Variants in RIMS1 observed in about 807,000 individuals in gnomAD.
RIMS1 encodes regulating synaptic membrane exocytosis protein 1.
Under a neutral mutation model 214.1 loss-of-function variants are expected in RIMS1, and 83 were observed. The ratio of observed to expected loss-of-function variants is 0.39; its 90% CI spans 0.32 to 0.47. RIMS1 has a LOEUF of 0.47. Among genes scored for constraint, RIMS1 ranks in the 20% least tolerant of loss-of-function variants. The probability of loss-of-function intolerance (pLI) is 0.99; values close to 1 mark genes in which losing one functional copy is unlikely to be tolerated. For missense variants in RIMS1, 2,050 were observed against 2,161.8 expected (o/e 0.95, Z 1.03); for synonymous variants, 793 against 786.8 (o/e 1.01, Z -0.13).
At chr6:72,124,855 G>C (rs776704312) in intron 4 of RIMS1, among the ~76,000 whole-genome samples, 1 of 152,110 alleles carries the variant, frequency 6.6e-6, no homozygotes, top group Admixed American at 6.5e-5. Context: ...TCTCTATGCT[G>C]TTTTTTCTAG....
At chr6:72,166,645 G>T (rs1349023575) in intron 4 of RIMS1, among the ~76,000 whole-genome samples, 1 of 151,952 alleles carries the variant, frequency 6.6e-6, no homozygotes, top group African/African-American at 2.4e-5. Flanking sequence ...GGAGTCCAAG[G>T]TGGGAGGATC....
intron 1 of RIMS1, among the ~76,000 whole-genome samples, chr6:71,925,316 G>A (rs954518205): frequency 6.6e-6 from 1 of 152,160 alleles, no homozygotes; most frequent in Admixed American, 6.5e-5. Flanking sequence ...TAAAGGCTAT[G>A]ACAGAGCTCC....
At chr6:72,217,261 A>C (rs1349114390) in intron 6 of RIMS1, 4 of 1,513,496 alleles carry the variant, frequency 2.6e-6, no homozygotes, top group Admixed American at 2.0e-5. Context: ...AAATTATATT[A>C]ATCTATGGAT....
intron 6 of RIMS1, among the ~76,000 whole-genome samples, chr6:72,230,890 C>G (rs920279890): frequency 2.6e-5 from 4 of 151,436 alleles, no homozygotes; most frequent in African/African-American, 9.7e-5. Context: ...TCCATAGACA[C>G]AAGCAGCTGA....
chr6:72,390,886 G>A (rs79772429), intron 30 of RIMS1, 150 bp downstream of exon 30: 26,032 of 810,656 alleles, frequency 0.032, 541 homozygotes, highest in Non-Finnish European at 0.037. Flanking sequence ...TGGCTTATAA[G>A]TAAGTACACA....
At position 72,078,550 on chromosome 6, in the gene RIMS1, T is replaced by C. The variant is rs976483483; in HGVS notation, c.246-18399T>C. Among the ~76,000 whole-genome samples, 19 of 152,178 alleles carry C rather than the reference T, an allele frequency of 1.2e-4. 1 individual carries two copies. Among genetic ancestry groups the C allele is most frequent in the Non-Finnish European group, 1.5e-5 (1 of 68,026 alleles). On this transcript the variant is annotated intron_variant, in intron 2 of 33. Coordinates refer to ENST00000521978, the MANE Select transcript of RIMS1 (RefSeq NM_014989.7). ...CAGCAGCCATGCCCAGAGCTTACTA[T>C]GCAGAGACTAGTGCCTATATCGGAA... is the stretch of plus-strand genomic sequence containing the variant.
chr6:72,394,418 T>C (rs1391436228), intron 31 of RIMS1, among the ~76,000 whole-genome samples: 5 of 152,214 alleles, frequency 3.3e-5, no homozygotes, highest in Admixed American at 1.3e-4. Flanking sequence ...TAAATATTAA[T>C]ATTGGGAGAA....
At chr6:71,897,848 A>T (rs1173937666) in intron 1 of RIMS1, among the ~76,000 whole-genome samples, 1 of 150,944 alleles carries the variant, frequency 6.6e-6, no homozygotes, top group East Asian at 2.0e-4. Context: ...AATGAATTAG[A>T]TTCAAGGAAT....
At chr6:72,195,020 CTACTGAAGATTCA>C (rs57459926) in intron 6 of RIMS1, among the ~76,000 whole-genome samples, 27,682 of 152,020 alleles carry the variant, frequency 0.18, 3,060 homozygotes, top group Non-Finnish European at 0.25. Context: ...GAAAGAAGGT[CTACTGAAGATTCA>C]TACTGAAGAT....
rs553643091 is a variant in RIMS1, at chr6:72,099,136, G to A, written c.460-839G>A. 5.9e-5 allele frequency among the ~76,000 whole-genome samples: 9 copies of A among 152,310 alleles called. No homozygotes were observed. The East Asian group carries it at 1.7e-3, about 29-fold the overall frequency. On this transcript the variant is annotated intron_variant, in intron 3 of 33. Transcript: ENST00000521978. ...TGCTAAGCACCCACAACTGTTAAAT[G>A]CTTTTAACTTCCCATTATAGGTTTG...
At chr6:72,287,199 A>G (rs2092490142) in intron 24 of RIMS1, among the ~76,000 whole-genome samples, 1 of 152,186 alleles carries the variant, frequency 6.6e-6, no homozygotes, top group Admixed American at 6.5e-5. Flanking sequence ...AATTGCTTAC[A>G]TATGCATTTT....
At chr6:72,103,772 T>A (rs1167063291) in intron 4 of RIMS1, among the ~76,000 whole-genome samples, 1 of 152,108 alleles carries the variant, frequency 6.6e-6, no homozygotes, top group Admixed American at 6.6e-5. Context: ...TAAATGGGGG[T>A]TTCAATTTCT....
rs1353471132 is a variant in RIMS1 at position 71,969,062 on chromosome 6, C to T, written c.244C>T (p.Pro82Ser). ...TGAAAACCAGCCCCACCAACCTTCA[C>T]CGTGAGTATGGCATTGGTTTTATTG... is the stretch of plus-strand genomic sequence containing the variant. ...NAENQPHQPS[P>S]RLHQQFESYK... The change falls in exon 2 of 34, where the codon CCG becomes TCG. Residue 82 changes from proline to serine, a missense_variant and splice_region_variant. Physicochemically the swap from Pro to Ser is moderately conservative, Grantham distance 74. Around this residue, in one of 6 missense-constraint regions of RIMS1, gnomAD observed 882 missense variants for 828.9 expected, o/e 1.06. Transcript: ENST00000521978. 6.8e-6 allele frequency: 11 copies of T among 1,613,778 alleles called. No homozygotes were observed. The highest frequency in any genetic ancestry group is 8.5e-6 in the Non-Finnish European group (10 of 1,179,794).
intron 1 of RIMS1, among the ~76,000 whole-genome samples, chr6:71,888,595 A>G (rs890127553): frequency 7.9e-5 from 12 of 152,212 alleles, no homozygotes; most frequent in Admixed American, 2.0e-4. Context: ...GGGAGGCTGC[A>G]TTCACAGACC....
chr6:71,980,712 G>A (rs1055231012), intron 2 of RIMS1, among the ~76,000 whole-genome samples: 1 of 152,006 alleles, frequency 6.6e-6, no homozygotes, highest in Non-Finnish European at 1.5e-5. Context: ...GGACCAATTA[G>A]TAGATGATTA....
At chr6:72,352,991 T>TC (rs1283699086) in intron 29 of RIMS1, among the ~76,000 whole-genome samples, 3 of 141,060 alleles carry the variant, frequency 2.1e-5, no homozygotes, top group Admixed American at 7.1e-5. Context: ...TTCTTTTTTT[T>TC]TTTTTTTTTT....
chr6:72,141,505 G>A (rs2042078086), intron 4 of RIMS1, among the ~76,000 whole-genome samples: 1 of 151,946 alleles, frequency 6.6e-6, no homozygotes, highest in African/African-American at 2.4e-5. Flanking sequence ...TCATTAATAA[G>A]TTACATTTTC....
At chr6:72,242,705 A>G (rs2067489916) in intron 10 of RIMS1, among the ~76,000 whole-genome samples, 1 of 151,910 alleles carries the variant, frequency 6.6e-6, no homozygotes, top group Non-Finnish European at 1.5e-5. Flanking sequence ...AATATAAAGT[A>G]AAATATTTTC....
chr6:72,397,847 T>A (rs2098797503), intron 31 of RIMS1, among the ~76,000 whole-genome samples: 1 of 152,116 alleles, frequency 6.6e-6, no homozygotes, highest in Non-Finnish European at 1.5e-5. Context: ...GATAGAAGTA[T>A]AAGAATGCTA....
Sources: gnomAD v4.1 joint callset for allele counts (sites outside exome capture counted in the v4.1 genomes callset) on GRCh38, gnomAD v4.1.1 for gene constraint, gnomAD v4.1.1 regional missense constraint, MANE v1.5 for transcripts, NCBI Gene and HGNC (gene_info 2026-07-23, HGNC 2026-07-21) for gene names.